The following DYNC2H1 variants were observed in gnomAD, a reference collection of about 807,000 sequenced individuals.
DYNC2H1 encodes dynein cytoplasmic 2 heavy chain 1.
DYNC2H1 carries 410 observed loss-of-function variants against 570.0 expected under a neutral mutation model. The observed-to-expected ratio is 0.72, with a 90% CI of 0.66 to 0.78. The LOEUF (loss-of-function observed/expected upper bound fraction) is 0.78. DYNC2H1 is among the 30% of genes least tolerant of loss of function. The pLI, the probability that DYNC2H1 is intolerant of heterozygous loss-of-function variation, is 0.00. For synonymous variants in DYNC2H1, 1,688 were observed against 1,677.6 expected (o/e 1.01, Z -0.15); for missense variants, 4,865 against 5,046.4 (o/e 0.96, Z 1.09).
chr11:103,251,123 A>C, intron 65 of DYNC2H1, among the ~76,000 whole-genome samples: 1 of 152,160 alleles, frequency 6.6e-6, no homozygotes, highest in Admixed American at 6.6e-5. Flanking sequence ...TATTGAGATA[A>C]ATATCCTAAA....
At chr11:103,381,878 G>C (rs892522632) in intron 83 of DYNC2H1, among the ~76,000 whole-genome samples, 1 of 152,098 alleles carries the variant, frequency 6.6e-6, no homozygotes, top group African/African-American at 2.4e-5. Flanking sequence ...TGTGTTAATG[G>C]TTAACTCATT....
In DYNC2H1 at chr11:103,171,066, G is replaced by C; in HGVS notation, c.5332G>C (p.Glu1778Gln). 1 of 1,586,634 alleles carries C rather than the reference G, an allele frequency of 6.3e-7. No homozygotes were observed. ...HRTVCELLGKEVEVNSNSGIF... is the reference protein window; with the variant it reads ...HRTVCELLGKQVEVNSNSGIF... ...AACTGTATGTGAACTGCTTGGCAAG[G>C]AGGTATAGAATATGTTGGGAATTTA... Residue 1778 changes from glutamate to glutamine, a missense_variant and splice_region_variant, in exon 34 of 89, where the codon GAG (glutamate) becomes CAG (glutamine). Glu to Gln is a conservative substitution (Grantham distance 29, BLOSUM62 2). Coordinates refer to ENST00000375735, the MANE Select transcript of DYNC2H1 (RefSeq NM_001377.3).
rs1351046605 is a variant in DYNC2H1 at position 103,285,423 on chromosome 11, T to TC, written c.10891-831dup. On this transcript the variant is annotated intron_variant, in intron 73 of 88. Coordinates refer to ENST00000375735, the MANE Select transcript of DYNC2H1 (RefSeq NM_001377.3). ...AGGAGGAATTTTTCTTTTTTTCTTT[T>TC]CTTTTTTTTTTTTTTTTGAGACAGA... Among the ~76,000 whole-genome samples, 11 of 30,146 alleles carry TC rather than the reference T, an allele frequency of 3.6e-4. No homozygotes were observed. In the South Asian group the frequency reaches 0.015, roughly 41 times the overall value. The allele number at this position is 30,146 out of a possible 152,430, so 19.8% of individuals were successfully genotyped here.
intron 82 of DYNC2H1, among the ~76,000 whole-genome samples, chr11:103,350,536 T>C (rs1306559617): frequency 1.3e-5 from 2 of 152,188 alleles, no homozygotes; most frequent in South Asian, 4.1e-4. Flanking sequence ...ATTTGCTTCA[T>C]TTTATAGATA....
At chr11:103,396,469 G>A (rs1252780102) in intron 83 of DYNC2H1, among the ~76,000 whole-genome samples, 2 of 152,122 alleles carry the variant, frequency 1.3e-5, no homozygotes, top group Admixed American at 6.6e-5. Flanking sequence ...GGACTTTTAC[G>A]GATGAACATG....
Position 103,109,865 on chromosome 11 carries a change from A to G in DYNC2H1, c.195+96A>G, listed in dbSNP as rs12283022. The G allele has an allele frequency of 7.0e-3, 9,074 of 1,301,562 alleles. 523 individuals are homozygous for G. In the African/African-American group the frequency reaches 0.12, roughly 17 times the overall value. 80.6% of individuals were successfully genotyped at this position (1,301,562 alleles called of 1,614,324 possible). A position where few individuals can be genotyped will look rare whatever the true frequency, so the allele number is the denominator to read the frequency against. On this transcript the variant is annotated intron_variant, in intron 1 of 88. Coordinates refer to ENST00000375735, the MANE Select transcript of DYNC2H1 (RefSeq NM_001377.3). ...CGGGTCACACTCTTTAGCTTTACCAACCAGATCCTTTTCAGGAACCCAAGG... is the reference window on the plus strand; with the variant it reads ...CGGGTCACACTCTTTAGCTTTACCAGCCAGATCCTTTTCAGGAACCCAAGG...
In DYNC2H1 at chr11:103,228,181, G is replaced by T. The variant is rs981683701; in HGVS notation, c.9354-3079G>T. 2.0e-5 allele frequency among the ~76,000 whole-genome samples: 3 copies of T among 152,084 alleles called. No individual in the cohort carries two copies. Among genetic ancestry groups the T allele is most frequent in the African/African-American group, 4.8e-5 (2 of 41,402 alleles). On this transcript the variant is annotated intron_variant, in intron 59 of 88. Coordinates refer to ENST00000375735, the MANE Select transcript of DYNC2H1 (RefSeq NM_001377.3). The surrounding 1 kb of genome is among the most constrained non-coding windows in gnomAD (Gnocchi z 6.1). ...TAAGTGGAGCATTTACGCCATTTACGTTCAGTGTTAGTATTGAGATGGGAG... is the reference window on the plus strand; with the variant it reads ...TAAGTGGAGCATTTACGCCATTTACTTTCAGTGTTAGTATTGAGATGGGAG...
intron 82 of DYNC2H1, among the ~76,000 whole-genome samples, chr11:103,350,210 A>G (rs1199464179): frequency 6.6e-6 from 1 of 152,198 alleles, no homozygotes; most frequent in Non-Finnish European, 1.5e-5. Flanking sequence ...CCCCCAAATC[A>G]TTAAAATAGA....
intron 54 of DYNC2H1, among the ~76,000 whole-genome samples, chr11:103,213,856 A>C (rs2135128529): frequency 6.6e-6 from 1 of 152,036 alleles, no homozygotes; most frequent in South Asian, 2.1e-4. Flanking sequence ...TTCTATTTTC[A>C]TTTTTGTTGC....
chr11:103,344,234 C>CT (rs1392073941), intron 82 of DYNC2H1, among the ~76,000 whole-genome samples: 2 of 152,200 alleles, frequency 1.3e-5, no homozygotes, highest in African/African-American at 2.4e-5. Flanking sequence ...TCTGGGCTGA[C>CT]TTCCTCATAG....
Position 103,204,978 on chromosome 11 carries a change from A to T in DYNC2H1, c.8454+14A>T. On this transcript the variant is annotated intron_variant, in intron 52 of 88. Transcript: ENST00000375735. The surrounding 1 kb of genome is among the most constrained non-coding windows in gnomAD (Gnocchi z 4.1). The stretch of plus-strand genomic sequence containing the variant: ...AGTATGAAGAAAGTAAGTTTAACAA[A>T]TATTAAAAAATTTAAAAGCACATTT... The T allele has an allele frequency of 6.5e-7, 1 of 1,538,156 alleles. No homozygotes were observed. The highest frequency in any genetic ancestry group is 1.3e-5 in the South Asian group (1 of 79,176).
chr11:103,437,260 T>TA (rs1398227735), intron 85 of DYNC2H1, among the ~76,000 whole-genome samples: 2 of 152,178 alleles, frequency 1.3e-5, no homozygotes, highest in South Asian at 2.1e-4. Flanking sequence ...ATCTTTGTTC[T>TA]AATATAAAAG....
chr11:103,302,803 C>T (rs1453592657), intron 75 of DYNC2H1, among the ~76,000 whole-genome samples: 1 of 151,966 alleles, frequency 6.6e-6, no homozygotes, highest in East Asian at 1.9e-4. Flanking sequence ...ATTGTGGTCT[C>T]AATTTACAAC....
intron 83 of DYNC2H1, among the ~76,000 whole-genome samples, chr11:103,386,504 TTTA>T (rs1467769751): frequency 1.3e-5 from 2 of 152,122 alleles, no homozygotes; most frequent in Non-Finnish European, 2.9e-5. Flanking sequence ...CTTTCTTTTT[TTTA>T]TTATTATTAT....
chr11:103,389,335 A>G (rs1229730686), intron 83 of DYNC2H1, among the ~76,000 whole-genome samples: 2 of 152,152 alleles, frequency 1.3e-5, no homozygotes, highest in Non-Finnish European at 2.9e-5. Flanking sequence ...TTTCTGTGGG[A>G]TCGGTGGTGA....
chr11:103,165,111 C>G (rs367774871), intron 30 of DYNC2H1, among the ~76,000 whole-genome samples: 2 of 152,048 alleles, frequency 1.3e-5, no homozygotes, highest in East Asian at 1.9e-4. Context: ...ATAAAAGAAC[C>G]ATAATGTAAT....
chr11:103,413,794 G>A (rs919049265), intron 84 of DYNC2H1, among the ~76,000 whole-genome samples: 1 of 152,058 alleles, frequency 6.6e-6, no homozygotes, highest in Admixed American at 6.6e-5. Flanking sequence ...GGGAAAAAAG[G>A]GGCCTGCATA....
intron 70 of DYNC2H1, among the ~76,000 whole-genome samples, chr11:103,267,443 C>T (rs1184633516): frequency 6.6e-6 from 1 of 151,300 alleles, no homozygotes; most frequent in Non-Finnish European, 1.5e-5. Context: ...ACTTTTTAAG[C>T]CTCAATTTTA....
chr11:103,135,426 A>G, intron 15 of DYNC2H1, 69 bp from the exon 16 acceptor site: 1 of 1,331,330 alleles, frequency 7.5e-7, no homozygotes, highest in Non-Finnish European at 9.8e-7. Context: ...ATGTGACATG[A>G]AAGTATTAAA....
Sources: gnomAD v4.1 joint callset for allele counts (sites outside exome capture counted in the v4.1 genomes callset) on GRCh38, gnomAD v4.1.1 for gene constraint, Gnocchi (gnomAD v3.1) non-coding constraint, MANE v1.5 for transcripts, NCBI Gene and HGNC (gene_info 2026-07-23, HGNC 2026-07-21) for gene names.